The following MYO3A variants were observed in gnomAD, a reference collection of about 807,000 sequenced individuals.
MYO3A encodes myosin IIIA, also known as myosin-IIIa.
Under a neutral mutation model 192.7 loss-of-function variants are expected in MYO3A, and 180 were observed. That is an observed-to-expected ratio of 0.93 (90% confidence interval 0.83 to 1.06). MYO3A has a LOEUF of 1.06. Ranked by LOEUF, MYO3A falls within the 50% of genes least tolerant of loss-of-function variation. The probability of loss-of-function intolerance (pLI) is 0.00; values close to 1 mark genes in which losing one functional copy is unlikely to be tolerated. For missense variants in MYO3A, 1,896 were observed against 1,905.0 expected (o/e 1.00, Z 0.09); for synonymous variants, 628 against 645.3 (o/e 0.97, Z 0.41).
At chr10:26,206,221 C>A (rs145247162) in intron 34 of MYO3A, among the ~76,000 whole-genome samples, 4 of 151,442 alleles carry the variant, frequency 2.6e-5, no homozygotes, top group African/African-American at 9.7e-5. Flanking sequence ...CCACTCTGCC[C>A]GGCTAATTTT....
intron 10 of MYO3A, among the ~76,000 whole-genome samples, chr10:26,062,530 A>AAAAAAAAAAAAAACAAAAACG (rs1554816581): frequency 7.9e-6 from 1 of 126,008 alleles, no homozygotes; most frequent in African/African-American, 2.9e-5. Flanking sequence ...AAAAAAAAAA[A>AAAAAAAAAAAAAACAAAAACG]AAATTATGGA....
At chr10:26,154,256 A>G (rs56130032) in intron 24 of MYO3A, among the ~76,000 whole-genome samples, 25 of 152,236 alleles carry the variant, frequency 1.6e-4, no homozygotes, top group African/African-American at 6.0e-4. Flanking sequence ...ATCTCAGCTC[A>G]CTGCAACCTC....
chr10:26,086,013 G>A (rs919595642), intron 14 of MYO3A, among the ~76,000 whole-genome samples: 3 of 152,054 alleles, frequency 2.0e-5, no homozygotes, highest in East Asian at 3.9e-4. Context: ...TGGTTTAAAT[G>A]TACTTGTTTA....
At chr10:26,092,093 G>A (rs909890422) in intron 15 of MYO3A, among the ~76,000 whole-genome samples, 1 of 152,228 alleles carries the variant, frequency 6.6e-6, no homozygotes. Flanking sequence ...TCCAGGAGGA[G>A]AGAGTTTACA....
At chr10:26,086,553 C>T (rs1270273690) in intron 14 of MYO3A, among the ~76,000 whole-genome samples, 6 of 152,038 alleles carry the variant, frequency 3.9e-5, no homozygotes, top group East Asian at 1.9e-4. Context: ...GATGTGTTGA[C>T]CTAGTGGCTT....
intron 14 of MYO3A, among the ~76,000 whole-genome samples, chr10:26,072,393 T>C (rs1835262429): frequency 6.6e-6 from 1 of 152,182 alleles, no homozygotes; most frequent in African/African-American, 2.4e-5. Context: ...TAGGCTTTAA[T>C]CGGGTGCTGC....
At chr10:26,039,444 A>G (rs1438770427) in intron 10 of MYO3A, among the ~76,000 whole-genome samples, 1 of 151,958 alleles carries the variant, frequency 6.6e-6, no homozygotes, top group Non-Finnish European at 1.5e-5. Context: ...ACTTTTCAGA[A>G]TAGTTTGAGG....
chr10:26,001,222 G>A (rs769967734), intron 6 of MYO3A, among the ~76,000 whole-genome samples: 30 of 152,272 alleles, frequency 2.0e-4, no homozygotes, highest in Admixed American at 1.4e-3. Context: ...TCCTGTCTGC[G>A]GTGAGCCACA....
chr10:26,094,653 T>C (rs377584531), intron 15 of MYO3A, among the ~76,000 whole-genome samples: 1 of 152,272 alleles, frequency 6.6e-6, no homozygotes. Flanking sequence ...CTCGATCTCC[T>C]GACCTTGTGA....
chr10:26,140,848 A>G (rs918298135), intron 20 of MYO3A, among the ~76,000 whole-genome samples: 5 of 152,220 alleles, frequency 3.3e-5, no homozygotes, highest in African/African-American at 1.2e-4. Context: ...TAGGAATTAC[A>G]TTAGCTAAAC....
intron 4 of MYO3A, among the ~76,000 whole-genome samples, chr10:25,982,740 T>C (rs1362856200): frequency 6.6e-6 from 1 of 152,150 alleles, no homozygotes; most frequent in Non-Finnish European, 1.5e-5. Flanking sequence ...CCTAGTGAAA[T>C]GGAGAGAACA....
intron 33 of MYO3A, 69 bp from the exon 34 acceptor site, chr10:26,202,894 AG>A: frequency 1.3e-6 from 2 of 1,539,270 alleles, no homozygotes; most frequent in Non-Finnish European, 1.8e-6. Context: ...AAGAAAAAAA[AG>A]TATCCTGTAA....
chr10:26,170,999 T>C (rs1842020367), intron 29 of MYO3A, among the ~76,000 whole-genome samples: 1 of 152,236 alleles, frequency 6.6e-6, no homozygotes, highest in African/African-American at 2.4e-5. Context: ...CAGCAGGCTT[T>C]ATGCTGGGCA....
intron 6 of MYO3A, among the ~76,000 whole-genome samples, chr10:25,999,360 T>C (rs1430389853): frequency 6.6e-6 from 1 of 152,206 alleles, no homozygotes; most frequent in Non-Finnish European, 1.5e-5. Context: ...TATTATTAAT[T>C]ACATATAAGA....
intron 4 of MYO3A, among the ~76,000 whole-genome samples, chr10:25,969,811 T>G (rs1015387573): frequency 6.6e-6 from 1 of 152,090 alleles, no homozygotes; most frequent in Non-Finnish European, 1.5e-5. Context: ...ACAAACACAC[T>G]TTAAATAGAA....
chr10:26,013,097 T>A lies in MYO3A; in HGVS notation c.509-3723T>A, dbSNP rs548243271. On this transcript the variant is annotated intron_variant, in intron 6 of 34. Coordinates refer to ENST00000642920, the MANE Select transcript of MYO3A (RefSeq NM_017433.5). ...ATGTAGAAGAATGAAACTGGAACTC[T>A]ATCTCTCACCTTATACAAAAAGCAA... 6.7e-4 allele frequency among the ~76,000 whole-genome samples: 102 copies of A among 152,250 alleles called. 1 individual carries two copies. Among genetic ancestry groups the A allele is most frequent in the African/African-American group, 2.2e-3 (91 of 41,576 alleles).
At chr10:26,138,868 G>A (rs1451955979) in intron 20 of MYO3A, among the ~76,000 whole-genome samples, 2 of 152,174 alleles carry the variant, frequency 1.3e-5, no homozygotes, top group African/African-American at 4.8e-5. Context: ...CAACCAAGAG[G>A]ACACACAGAA....
intron 10 of MYO3A, among the ~76,000 whole-genome samples, chr10:26,047,636 G>T (rs371664684): frequency 6.6e-6 from 1 of 151,776 alleles, no homozygotes; most frequent in African/African-American, 2.4e-5. Context: ...TTAGCCGGGC[G>T]TGGTGGCAGG....
At chr10:26,090,517 G>A (rs1357751682) in intron 15 of MYO3A, among the ~76,000 whole-genome samples, 1 of 152,066 alleles carries the variant, frequency 6.6e-6, no homozygotes, top group Non-Finnish European at 1.5e-5. Context: ...CAATCAAGTG[G>A]AAATATAACT....
Sources: allele counts gnomAD v4.1 joint callset (sites outside exome capture counted in the v4.1 genomes callset), GRCh38; gene constraint gnomAD v4.1.1; transcripts MANE v1.5; gene names NCBI Gene and HGNC (gene_info 2026-07-23, HGNC 2026-07-21).